The following SHISAL2A variants were observed in gnomAD, a reference collection of about 807,000 sequenced individuals.
SHISAL2A encodes protein shisa-like-2A.
Under a neutral mutation model 11.5 loss-of-function variants are expected in SHISAL2A, and 18 were observed. The ratio of observed to expected loss-of-function variants is 1.57; its 90% confidence interval spans 1.08 to 2.33. The LOEUF (loss-of-function observed/expected upper bound fraction) is 2.33, where lower values mean the gene tolerates loss of function less well. Ranked by LOEUF, SHISAL2A falls within the 30% of genes most tolerant of loss-of-function variation. The probability of loss-of-function intolerance (pLI) is 0.00; values close to 1 mark genes in which losing one functional copy is unlikely to be tolerated. For synonymous variants in SHISAL2A, 94 were observed against 99.6 expected (o/e 0.94, Z 0.34); for missense variants, 261 against 250.9 (o/e 1.04, Z -0.27).
chr1:52,638,446 A>C (rs1691286399), intron 1 of SHISAL2A, among the ~76,000 whole-genome samples: 1 of 152,236 alleles, frequency 6.6e-6, no homozygotes, highest in Admixed American at 6.5e-5. Context: ...AGAACTAAAA[A>C]GCCCTACATA....
Position 52,651,269 on chromosome 1 carries a change from G to A in SHISAL2A, c.323-5521G>A, listed in dbSNP as rs187167790. ...TTTGTTTTTTTTGAGACGGAGTCTC[G>A]CTCTGTTGCCCAGGCTAGAGTGCAG... is the stretch of plus-strand genomic sequence containing the variant. On this transcript the variant is annotated intron_variant, in intron 2 of 2. Coordinates refer to ENST00000517870, the MANE Select transcript of SHISAL2A (RefSeq NM_001042693.3). 3.6e-3 allele frequency among the ~76,000 whole-genome samples: 544 copies of A among 151,716 alleles called. 4 individuals carry two copies. Among genetic ancestry groups the A allele is most frequent in the African/African-American group, 0.012 (507 of 41,386 alleles).
At chr1:52,638,812 G>C (rs1691294437) in intron 1 of SHISAL2A, among the ~76,000 whole-genome samples, 1 of 152,220 alleles carries the variant, frequency 6.6e-6, no homozygotes, top group Admixed American at 6.5e-5. Context: ...GGTGGGGTAA[G>C]GAAGGTATTG....
intron 4 of SHISAL2A, among the ~76,000 whole-genome samples, chr1:52,662,634 AGG>A (rs1691929889): frequency 4.6e-5 from 7 of 151,260 alleles, no homozygotes; most frequent in Non-Finnish European, 1.0e-4. Flanking sequence ...TACAGGCGTG[AGG>A]TACCGCCCCC....
At chr1:52,643,444 A>G (rs137980551) in intron 2 of SHISAL2A, among the ~76,000 whole-genome samples, 43 of 152,304 alleles carry the variant, frequency 2.8e-4, no homozygotes, top group Non-Finnish European at 6.3e-4. Context: ...CAGACTACCC[A>G]TTTCTTCATT....
At chr1:52,660,285 C>G (rs1209746840), downstream of SHISAL2A, among the ~76,000 whole-genome samples, 2 of 151,960 alleles carry the variant, frequency 1.3e-5, no homozygotes, top group Non-Finnish European at 2.9e-5. Flanking sequence ...CTTTTGCTGA[C>G]CTACACATCC....
At chr1:52,650,923 G>A (rs964538597) in intron 2 of SHISAL2A, among the ~76,000 whole-genome samples, 1 of 150,286 alleles carries the variant, frequency 6.7e-6, no homozygotes, top group Non-Finnish European at 1.5e-5. Context: ...GGAATTACAG[G>A]CATGAGCCAC....
At chr1:52,652,147 G>T (rs1289987017) in intron 2 of SHISAL2A, among the ~76,000 whole-genome samples, 1 of 152,170 alleles carries the variant, frequency 6.6e-6, no homozygotes, top group African/African-American at 2.4e-5. Flanking sequence ...GTGAGGATTA[G>T]GTAAAGAGCT....
At chr1:52,643,033 T>C in intron 2 of SHISAL2A, 31 bp downstream of exon 2, 1 of 1,610,350 alleles carries the variant, frequency 6.2e-7, no homozygotes, top group East Asian at 2.2e-5. Context: ...TGTCCTTGTA[T>C]TCGGTAGACT....
At chr1:52,660,714 G>A (rs1470245394), downstream of SHISAL2A, among the ~76,000 whole-genome samples, 6 of 152,144 alleles carry the variant, frequency 3.9e-5, no homozygotes, top group Non-Finnish European at 8.8e-5. Flanking sequence ...ACTTGGAAAC[G>A]TTAGAACATT....
rs370615863 is a variant in SHISAL2A, at chr1:52,633,569, G to A, written c.76G>A (p.Gly26Ser). 4.7e-5 allele frequency: 75 copies of A among 1,611,110 alleles called. No homozygotes were observed. The highest frequency in any genetic ancestry group is 9.4e-5 in the African/African-American group (7 of 74,662). The change falls in exon 1 of 3, where the codon GGC (glycine) becomes AGC (serine). Residue 26 changes from glycine (G) to serine (S), a missense_variant. Coordinates refer to ENST00000517870, the MANE Select transcript of SHISAL2A (RefSeq NM_001042693.3). The surrounding 1 kb of genome is among the most constrained non-coding windows in gnomAD (Gnocchi z 6.4). Reference sequence around the variant, plus strand: ...CGGCTTCAGCTGCCCGCGGCCGGGGGGCGAGGCGGCCGCTGTCTTCTGCTG... The same window carrying A: ...CGGCTTCAGCTGCCCGCGGCCGGGGAGCGAGGCGGCCGCTGTCTTCTGCTG... Reference protein sequence around the residue: ...VRGFSCPRPGGEAAAVFCCGF... With the variant: ...VRGFSCPRPGSEAAAVFCCGF...
At chr1:52,656,201 A>T (rs546082617) in intron 2 of SHISAL2A, among the ~76,000 whole-genome samples, 108 of 152,344 alleles carry the variant, frequency 7.1e-4, no homozygotes, top group Non-Finnish European at 1.3e-3. Context: ...AATGTTCCTG[A>T]TAAGGGAGAT....
downstream of SHISAL2A, chr1:52,657,069 C>T (rs767200166): frequency 3.9e-6 from 6 of 1,546,818 alleles, no homozygotes; most frequent in Admixed American, 9.8e-5. Context: ...CATACCATCC[C>T]CTTCTGGAGT....
At chr1:52,665,898 G>A (rs1692001390) in intron 4 of SHISAL2A, among the ~76,000 whole-genome samples, 1 of 152,216 alleles carries the variant, frequency 6.6e-6, no homozygotes, top group Non-Finnish European at 1.5e-5. Flanking sequence ...CGATGGAGCT[G>A]CTTCATAAAA....
At chr1:52,662,068 C>T (rs111757497) in intron 4 of SHISAL2A, among the ~76,000 whole-genome samples, 1,631 of 151,932 alleles carry the variant, frequency 0.011, 30 homozygotes, top group African/African-American at 0.036. Context: ...TGCAACCCCG[C>T]CCTTCAGGCC....
chr1:52,658,098 G>A (rs1691835476), downstream of SHISAL2A, among the ~76,000 whole-genome samples: 1 of 151,910 alleles, frequency 6.6e-6, no homozygotes, highest in African/African-American at 2.4e-5. Flanking sequence ...AGAGTGCAAT[G>A]GCATGATCTC....
chr1:52,662,504 C>T (rs1691926127), intron 4 of SHISAL2A, among the ~76,000 whole-genome samples: 1 of 151,280 alleles, frequency 6.6e-6, no homozygotes, highest in African/African-American at 2.4e-5. Flanking sequence ...GCCAATATGC[C>T]CGGCTAATTT....
At chr1:52,644,304 T>C (rs773666786) in intron 2 of SHISAL2A, among the ~76,000 whole-genome samples, 4 of 151,128 alleles carry the variant, frequency 2.6e-5, no homozygotes, top group Non-Finnish European at 4.4e-5. Context: ...CAGCATAGGG[T>C]AAGTAGTGGG....
chr1:52,644,786 G>C (rs1370300535), intron 2 of SHISAL2A, among the ~76,000 whole-genome samples: 1 of 152,096 alleles, frequency 6.6e-6, no homozygotes, highest in Admixed American at 6.6e-5. Context: ...GGGAGGCCAG[G>C]GCGGGCGGAT....
Position 52,656,736 on chromosome 1 carries a change from G to A in SHISAL2A, c.323-54G>A, listed in dbSNP as rs1691797151. ...GCACCAGAGAAGTCAGCTGGGGAGTGTGATCCTGTTGGGGAAGAAGAGAGC... is the reference window on the plus strand; with the variant it reads ...GCACCAGAGAAGTCAGCTGGGGAGTATGATCCTGTTGGGGAAGAAGAGAGC... On this transcript the variant is annotated intron_variant, in intron 2 of 2. Transcript: ENST00000517870. 7.7e-6 allele frequency: 12 copies of A among 1,552,824 alleles called. No homozygotes were observed. The African/African-American group carries it at 9.5e-5, about 12-fold the overall frequency.
Sources: allele counts gnomAD v4.1 joint callset (sites outside exome capture counted in the v4.1 genomes callset), GRCh38; gene constraint gnomAD v4.1.1; non-coding constraint Gnocchi (gnomAD v3.1); transcripts MANE v1.5; gene names NCBI Gene and HGNC (gene_info 2026-07-23, HGNC 2026-07-21).